The following FGGY variants were observed in gnomAD, a reference collection of about 807,000 sequenced individuals.
FGGY encodes FGGY carbohydrate kinase domain containing, also known as FGGY carbohydrate kinase domain-containing protein.
A neutral mutation model predicts 71.3 loss-of-function variants in FGGY; 72 were observed. The observed-to-expected ratio is 1.01, with a 90% CI of 0.84 to 1.23. FGGY has a LOEUF of 1.23. FGGY is among the 50% of genes most tolerant of loss of function. FGGY has a pLI of 0.00. For synonymous variants in FGGY, 251 were observed against 250.3 expected, an observed-to-expected ratio of 1.00 and a Z score of -0.02; for missense variants, 668 against 682.3, an observed-to-expected ratio of 0.98 and a Z score of 0.23.
intron 8 of FGGY, 22 bp downstream of exon 8, chr1:59,554,249 G>C: frequency 6.3e-7 from 1 of 1,590,152 alleles, no homozygotes; most frequent in South Asian, 1.1e-5. Flanking sequence ...GAGCACAAAG[G>C]CAAGGCCACC....
At chr1:59,732,654 AG>A (rs1276543934) in intron 14 of FGGY, among the ~76,000 whole-genome samples, 2 of 151,914 alleles carry the variant, frequency 1.3e-5, no homozygotes. Flanking sequence ...GATAGAGGAA[AG>A]GGGGGCAAGA....
chr1:59,353,775 A>C (rs547079718), intron 4 of FGGY, among the ~76,000 whole-genome samples: 1 of 152,326 alleles, frequency 6.6e-6, no homozygotes, highest in Admixed American at 6.5e-5. Context: ...GTGGTCTCAT[A>C]CTATGTAAGC....
intron 5 of FGGY, among the ~76,000 whole-genome samples, chr1:59,444,865 G>T (rs1053451582): frequency 3.3e-5 from 5 of 152,142 alleles, no homozygotes; most frequent in African/African-American, 1.2e-4. Flanking sequence ...AAAGGCTGGG[G>T]ACCGCTGGTA....
At chr1:59,640,092 CT>C (rs1212290771) in intron 11 of FGGY, among the ~76,000 whole-genome samples, 1 of 152,100 alleles carries the variant, frequency 6.6e-6, no homozygotes, top group Non-Finnish European at 1.5e-5. Flanking sequence ...GGTATGTTTA[CT>C]TTTTTAAAAA....
At chr1:59,681,358 C>T (rs1439336740) in intron 14 of FGGY, among the ~76,000 whole-genome samples, 1 of 152,102 alleles carries the variant, frequency 6.6e-6, no homozygotes, top group Non-Finnish European at 1.5e-5. Context: ...AATTTTTATT[C>T]AGGAATGTAA....
intron 7 of FGGY, among the ~76,000 whole-genome samples, chr1:59,536,248 C>G (rs1225506749): frequency 2.0e-4 from 30 of 151,954 alleles, no homozygotes; most frequent in South Asian, 2.1e-4. Context: ...ATAAATTCCT[C>G]GACACATACA....
intron 12 of FGGY, among the ~76,000 whole-genome samples, chr1:59,665,879 T>C (rs977099917): frequency 2.6e-5 from 4 of 152,142 alleles, no homozygotes; most frequent in African/African-American, 4.8e-5. Flanking sequence ...TTCACCATAT[T>C]AGCCAGGATG....
intron 1 of FGGY, among the ~76,000 whole-genome samples, chr1:59,305,810 G>A (rs1281494086): frequency 6.6e-6 from 1 of 152,172 alleles, no homozygotes; most frequent in Non-Finnish European, 1.5e-5. Context: ...TTCACATATA[G>A]ATGCATTAGT....
intron 2 of FGGY, among the ~76,000 whole-genome samples, chr1:59,328,902 G>T (rs182550011): frequency 6.6e-6 from 1 of 151,968 alleles, no homozygotes; most frequent in African/African-American, 2.4e-5. Flanking sequence ...CGTCTTATAT[G>T]GGTGCAGTTT....
At chr1:59,747,148 GA>G (rs1424846464) in intron 14 of FGGY, among the ~76,000 whole-genome samples, 2 of 152,150 alleles carry the variant, frequency 1.3e-5, no homozygotes, top group Non-Finnish European at 2.9e-5. Flanking sequence ...ATTATTAGAT[GA>G]GTGACAGCTT....
chr1:59,433,456 G>A (rs140130390), intron 5 of FGGY, among the ~76,000 whole-genome samples: 41 of 152,284 alleles, frequency 2.7e-4, no homozygotes, highest in Non-Finnish European at 5.1e-4. Context: ...CTGGAGCACA[G>A]GTTGCCTGTG....
chr1:59,319,048 C>A (rs1469760417), intron 1 of FGGY, among the ~76,000 whole-genome samples: 1 of 152,216 alleles, frequency 6.6e-6, no homozygotes, highest in Admixed American at 6.5e-5. Flanking sequence ...CCTCAGCAGG[C>A]TTCCTGGTGT....
chr1:59,326,288 A>G (rs1442992243), intron 2 of FGGY, among the ~76,000 whole-genome samples: 3 of 152,182 alleles, frequency 2.0e-5, no homozygotes, highest in Non-Finnish European at 1.5e-5. Context: ...AGAAAAATAA[A>G]CAACACATAT....
chr1:59,442,824 T>C (rs539012276), intron 5 of FGGY, among the ~76,000 whole-genome samples: 1 of 152,302 alleles, frequency 6.6e-6, no homozygotes, highest in South Asian at 2.1e-4. Flanking sequence ...GGGAAATAAT[T>C]CGTCCAACAC....
chr1:59,383,137 C>A (rs2059674686), intron 5 of FGGY, among the ~76,000 whole-genome samples: 1 of 152,068 alleles, frequency 6.6e-6, no homozygotes, highest in African/African-American at 2.4e-5. Flanking sequence ...TTGTGAGAAT[C>A]CTATTAAAGC....
chr1:59,495,174 A>G (rs2093993588), intron 6 of FGGY, among the ~76,000 whole-genome samples: 1 of 151,952 alleles, frequency 6.6e-6, no homozygotes, highest in African/African-American at 2.4e-5. Context: ...CCATTTTTTA[A>G]TGGGGTTATT....
rs114041255 is a variant in FGGY, at chr1:59,406,353, G to A, written c.554+27516G>A. Among the ~76,000 whole-genome samples the A allele has an allele frequency of 2.3e-3, 355 of 151,954 alleles. 3 individuals are homozygous for A. Among genetic ancestry groups the A allele is most frequent in the African/African-American group, 7.7e-3 (318 of 41,468 alleles). ...CAAGTGTCCTTTTCGAAGTCTACTC[G>A]TGCCATGTTTTTCTCATTTTTGTGC... On this transcript the variant is annotated intron_variant, in intron 5 of 15. Coordinates refer to ENST00000303721, the MANE Select transcript of FGGY (RefSeq NM_018291.5).
chr1:59,528,007 A>T (rs2095039626), intron 7 of FGGY, among the ~76,000 whole-genome samples: 1 of 152,146 alleles, frequency 6.6e-6, no homozygotes, highest in Non-Finnish European at 1.5e-5. Context: ...ACCACAACTC[A>T]TTCTGATCAG....
chr1:59,345,000 C>G (rs140138020), intron 3 of FGGY, among the ~76,000 whole-genome samples: 1 of 152,094 alleles, frequency 6.6e-6, no homozygotes, highest in Non-Finnish European at 1.5e-5. Flanking sequence ...CTATGCAGAT[C>G]TAGTTCCAAA....
Sources: gnomAD v4.1 joint callset for allele counts (sites outside exome capture counted in the v4.1 genomes callset) on GRCh38, gnomAD v4.1.1 for gene constraint, MANE v1.5 for transcripts, NCBI Gene and HGNC (gene_info 2026-07-23, HGNC 2026-07-21) for gene names.